B4GALNT3: variants seen among roughly 807,000 people sequenced by gnomAD.
B4GALNT3 encodes the protein beta-1,4-N-acetyl-galactosaminyltransferase 3.
A neutral mutation model predicts 120.2 loss-of-function variants in B4GALNT3; 86 were observed. That is an observed-to-expected ratio of 0.72 (90% CI 0.60 to 0.86). The LOEUF is 0.86. B4GALNT3 is among the 40% of genes least tolerant of loss of function. The pLI is 0.00. For synonymous variants in B4GALNT3, 518 were observed against 510.4 expected, an observed-to-expected ratio of 1.01 and a Z score of -0.20; for missense variants, 1,167 against 1,298.9, an observed-to-expected ratio of 0.90 and a Z score of 1.56.
chr12:538,890 G>T (rs1946887706), intron 3 of B4GALNT3, among the ~76,000 whole-genome samples: 1 of 152,194 alleles, frequency 6.6e-6, no homozygotes, highest in African/African-American at 2.4e-5. Flanking sequence ...CCAGCAGGAA[G>T]TTCCCAGGTT....
At chr12:512,941 CACCTTCT>C (rs1170180945) in intron 1 of B4GALNT3, among the ~76,000 whole-genome samples, 1 of 145,488 alleles carries the variant, frequency 6.9e-6, no homozygotes, top group Non-Finnish European at 1.5e-5. Context: ...TTCCACCTTC[CACCTTCT>C]TCCACCTTCC....
chr12:546,110 T>G (rs1592052493), intron 6 of B4GALNT3, among the ~76,000 whole-genome samples: 18 of 85,328 alleles, frequency 2.1e-4, no homozygotes, highest in African/African-American at 3.3e-4. Flanking sequence ...AAGTGGGGAG[T>G]GAGAAGGAGG....
chr12:463,097 C>G (rs1024994987), intron 1 of B4GALNT3, among the ~76,000 whole-genome samples: 2 of 152,340 alleles, frequency 1.3e-5, no homozygotes, highest in South Asian at 2.1e-4. Flanking sequence ...CCTGCCTCCC[C>G]TCTCTAGCAA....
At chr12:527,482 G>T (rs977098011) in intron 1 of B4GALNT3, among the ~76,000 whole-genome samples, 1 of 152,256 alleles carries the variant, frequency 6.6e-6, no homozygotes, top group Non-Finnish European at 1.5e-5. Flanking sequence ...CTGGGGGAAA[G>T]GACAGCTGGT....
chr12:538,431 C>T (rs894342909), intron 3 of B4GALNT3, among the ~76,000 whole-genome samples: 29 of 151,534 alleles, frequency 1.9e-4, no homozygotes, highest in African/African-American at 6.5e-4. Flanking sequence ...TGGTGATGCA[C>T]GCCTGTGGTC....
Position 546,720 on chromosome 12 carries a change from G to A in B4GALNT3, c.707+7G>A, listed in dbSNP as rs553111236. 2 of 1,551,270 alleles carry A rather than the reference G, an allele frequency of 1.3e-6. No homozygotes were observed. The highest frequency in any genetic ancestry group is 4.9e-5 in the East Asian group (2 of 40,914). The stretch of plus-strand genomic sequence containing the variant: ...AAATTTCCAAGCCGGTGAGGTGAGT[G>A]AGGGTCAGGACAGGCGCTGTGGGCG... On this transcript the variant is annotated splice_region_variant and intron_variant, in intron 7 of 19. Transcript: ENST00000266383.
intron 1 of B4GALNT3, among the ~76,000 whole-genome samples, chr12:505,155 G>T (rs11063316): frequency 6.6e-6 from 1 of 151,814 alleles, no homozygotes; most frequent in East Asian, 1.9e-4. Flanking sequence ...GCCTCCCAAC[G>T]TGCTGGGAGT....
At chr12:530,249 C>T (rs1433230808) in intron 1 of B4GALNT3, among the ~76,000 whole-genome samples, 1 of 152,238 alleles carries the variant, frequency 6.6e-6, no homozygotes. Context: ...GAGCCATGGC[C>T]CTGGCGTGTG....
intron 1 of B4GALNT3, among the ~76,000 whole-genome samples, chr12:497,838 T>C (rs1946402251): frequency 6.6e-6 from 1 of 152,188 alleles, no homozygotes; most frequent in Non-Finnish European, 1.5e-5. Context: ...GCTGTTTTTG[T>C]TGCTCTCCTG....
chr12:502,736 T>C (rs918603547), intron 1 of B4GALNT3, among the ~76,000 whole-genome samples: 5 of 152,156 alleles, frequency 3.3e-5, no homozygotes, highest in African/African-American at 1.2e-4. Flanking sequence ...TTTTCCTTTT[T>C]GTTTAAACAA....
At chr12:502,702 C>T (rs570639321) in intron 1 of B4GALNT3, among the ~76,000 whole-genome samples, 1 of 152,148 alleles carries the variant, frequency 6.6e-6, no homozygotes, top group Non-Finnish European at 1.5e-5. Context: ...GCTATTATTT[C>T]AGGAGGAGTG....
intron 1 of B4GALNT3, among the ~76,000 whole-genome samples, chr12:533,472 G>A (rs189653138): frequency 2.2e-4 from 34 of 152,330 alleles, no homozygotes; most frequent in Non-Finnish European, 4.4e-4. Flanking sequence ...CACGAGTGGA[G>A]GGTGAACATC....
Position 550,515 on chromosome 12 carries a change from CA to C in B4GALNT3, c.998-404del. Reference sequence around the variant, plus strand: ...AAAAACAAACAAACAAAAAAAACAACAAAGTTTCTTTACTCCTCACCCCTCT... The same window carrying C: ...AAAAACAAACAAACAAAAAAAACAACAAGTTTCTTTACTCCTCACCCCTCT... On this transcript the variant is annotated intron_variant, in intron 10 of 19. Coordinates refer to ENST00000266383, the MANE Select transcript of B4GALNT3 (RefSeq NM_173593.4). This position sits in a 1 kb window ranked among gnomAD's most constrained non-coding sequence, Gnocchi z 4.1. Among the ~76,000 whole-genome samples the C allele has an allele frequency of 6.6e-6, 1 of 151,956 alleles. No individual in the cohort carries two copies. Among genetic ancestry groups the C allele is most frequent in the South Asian group, 2.1e-4 (1 of 4,802 alleles).
chr12:537,411 C>G (rs992201848), intron 3 of B4GALNT3, among the ~76,000 whole-genome samples: 4 of 152,054 alleles, frequency 2.6e-5, no homozygotes, highest in Non-Finnish European at 5.9e-5. Context: ...ACCACCGTTG[C>G]CTGGCTAATT....
intron 1 of B4GALNT3, among the ~76,000 whole-genome samples, chr12:534,546 C>T (rs918320977): frequency 1.3e-5 from 2 of 152,188 alleles, no homozygotes; most frequent in African/African-American, 4.8e-5. Flanking sequence ...GGTCCAGAGC[C>T]TTCAGGGTAC....
intron 19 of B4GALNT3, 68 bp from the exon 20 acceptor site, chr12:561,275 C>A: frequency 8.3e-7 from 1 of 1,210,050 alleles, no homozygotes; most frequent in Non-Finnish European, 1.2e-6. Flanking sequence ...GGTCTGTGGT[C>A]GATGGGGAGG....
chr12:559,618 G>A (rs1026626411), intron 19 of B4GALNT3, among the ~76,000 whole-genome samples, 197 bp downstream of exon 19: 8 of 152,008 alleles, frequency 5.3e-5, no homozygotes, highest in African/African-American at 1.2e-4. Context: ...GGTGTGACTC[G>A]CCCTCTGTCT....
Position 552,221 on chromosome 12 carries a change from G to A in B4GALNT3, c.1208+58G>A, listed in dbSNP as rs898688382. 4 of 1,471,310 alleles carry A rather than the reference G, an allele frequency of 2.7e-6. No homozygotes were observed. The African/African-American group carries it at 5.6e-5, about 21-fold the overall frequency. The allele number at this position is 1,471,310 out of a possible 1,614,324, so 91.1% of individuals were successfully genotyped here. On this transcript the variant is annotated intron_variant, in intron 12 of 19. Coordinates refer to ENST00000266383, the MANE Select transcript of B4GALNT3 (RefSeq NM_173593.4). ...CTTGCAGAGGGCTCTGCGGGAGCCA[G>A]GAGAGCTGCCTGGACCAGGGTGATG...
At chr12:520,768 G>A (rs1187682629) in intron 1 of B4GALNT3, among the ~76,000 whole-genome samples, 2 of 152,228 alleles carry the variant, frequency 1.3e-5, no homozygotes, top group Non-Finnish European at 2.9e-5. Context: ...TCCAGCCTGG[G>A]TGACAGAGCG....
Sources: gnomAD v4.1 joint callset for allele counts (sites outside exome capture counted in the v4.1 genomes callset) on GRCh38, gnomAD v4.1.1 for gene constraint, Gnocchi (gnomAD v3.1) non-coding constraint, MANE v1.5 for transcripts, NCBI Gene and HGNC (gene_info 2026-07-23, HGNC 2026-07-21) for gene names.